DEGS2: variants seen among roughly 807,000 people sequenced by gnomAD.
DEGS2 encodes sphingolipid delta(4)-desaturase/C4-monooxygenase DES2.
DEGS2 carries 19 observed loss-of-function variants against 23.8 expected under a neutral mutation model. That is an observed-to-expected ratio of 0.80 (90% CI 0.56 to 1.17). The LOEUF is 1.17. Ranked by LOEUF, DEGS2 falls within the 50% of genes most tolerant of loss-of-function variation. The pLI is 0.00. For synonymous variants in DEGS2, 218 were observed against 213.7 expected (o/e 1.02, Z -0.18); for missense variants, 390 against 459.5 (o/e 0.85, Z 1.38).
upstream of DEGS2, among the ~76,000 whole-genome samples, chr14:100,160,653 TC>T (rs1340465188): frequency 6.6e-6 from 1 of 152,186 alleles, no homozygotes; most frequent in African/African-American, 2.4e-5. Context: ...GACTGACACA[TC>T]AGCCAGCGCT....
chr14:100,153,297 AGATAGAT>A (rs1330768479), intron 1 of DEGS2, among the ~76,000 whole-genome samples: 1 of 147,128 alleles, frequency 6.8e-6, no homozygotes. Flanking sequence ...ATAGATAGAT[AGATAGAT>A]AATAGATGTG....
chr14:100,165,849 G>T, the DEGS2 span, among the ~76,000 whole-genome samples: 1 of 146,896 alleles, frequency 6.8e-6, no homozygotes, highest in Non-Finnish European at 1.5e-5. Flanking sequence ...GCTGCCTGGG[G>T]GAATTGGGGG....
At chr14:100,149,839 C>G (rs1889535696) in intron 1 of DEGS2, 129 bp from the exon 2 acceptor site, 1 of 976,690 alleles carries the variant, frequency 1.0e-6, no homozygotes, top group African/African-American at 1.6e-5. Flanking sequence ...GTCCCTTTGC[C>G]CCTGCACACA....
At chr14:100,160,503 A>G (rs1360407635), upstream of DEGS2, among the ~76,000 whole-genome samples, 2 of 152,148 alleles carry the variant, frequency 1.3e-5, no homozygotes, top group Non-Finnish European at 2.9e-5. Context: ...AGTTTTGGGG[A>G]GGTAAGGGCA....
rs1309750127 is a variant in DEGS2 at position 100,159,580 on chromosome 14, T to A, written c.8A>T (p.Asn3Ile). Residue 3 changes from asparagine (N) to isoleucine (I), a missense_variant, in exon 1 of 3, where the codon AAC becomes ATC. Transcript: ENST00000305631. MG[N>I]SASRSDFEWV... Reference sequence around the variant, plus strand: ...CTCGAAGTCGCTGCGGCTCGCGCTGTTGCCCATGGTGGGGCGGGAGGCGCC... The same window carrying A: ...CTCGAAGTCGCTGCGGCTCGCGCTGATGCCCATGGTGGGGCGGGAGGCGCC... 1.3e-6 allele frequency: 2 copies of A among 1,493,358 alleles called. No homozygotes were observed. Among genetic ancestry groups the A allele is most frequent in the Non-Finnish European group, 1.8e-6 (2 of 1,122,932 alleles). 92.5% of individuals were successfully genotyped at this position (1,493,358 alleles called of 1,614,324 possible).
At chr14:100,166,736 T>TGGGG in the DEGS2 span, among the ~76,000 whole-genome samples, 1 of 152,096 alleles carries the variant, frequency 6.6e-6, no homozygotes. Flanking sequence ...GGACTTTATC[T>TGGGG]GATAAACACC....
Position 100,147,379 on chromosome 14 carries a change from G to T in DEGS2, c.826-472C>A, listed in dbSNP as rs554049891. 5.9e-5 allele frequency among the ~76,000 whole-genome samples: 9 copies of T among 152,288 alleles called. No individual in the cohort carries two copies. In the East Asian group the frequency reaches 1.7e-3, roughly 29 times the overall value. ...CCGCAGCGCCTGCGCAGTGCTGAGT[G>T]CCCGCCTGAGTCCTACCAGGCCACA... On this transcript the variant is annotated intron_variant, in intron 2 of 2. Coordinates refer to ENST00000305631, the MANE Select transcript of DEGS2 (RefSeq NM_206918.3).
At chr14:100,159,461 C>T in intron 1 of DEGS2, 45 bp downstream of exon 1, 1 of 1,422,268 alleles carries the variant, frequency 7.0e-7, no homozygotes, top group African/African-American at 1.5e-5. Flanking sequence ...TCCAGACGGG[C>T]CAACGGGGCG....
chr14:100,165,595 G>A, the DEGS2 span, among the ~76,000 whole-genome samples: 1 of 152,204 alleles, frequency 6.6e-6, no homozygotes, highest in Non-Finnish European at 1.5e-5. Flanking sequence ...GCGGACGGGC[G>A]GTGCCCCCGC....
intron 2 of DEGS2, 56 bp downstream of exon 2, chr14:100,148,912 C>T: frequency 4.5e-6 from 7 of 1,558,240 alleles, no homozygotes; most frequent in Non-Finnish European, 6.1e-6. Context: ...GCCCCCACCT[C>T]CTCCGATGGC....
chr14:100,147,037 G>A lies in DEGS2; in HGVS notation c.826-130C>T, dbSNP rs140087109. On this transcript the variant is annotated intron_variant, in intron 2 of 2. Coordinates refer to ENST00000305631, the MANE Select transcript of DEGS2 (RefSeq NM_206918.3). ...TTCATGTACGAACATGTTTGCGCGC[G>A]CGCACACCCACACACACACATGGGT... The A allele has an allele frequency of 1.7e-3, 1,770 of 1,067,584 alleles. 2 individuals are homozygous for A. Among genetic ancestry groups the A allele is most frequent in the Non-Finnish European group, 2.0e-3 (1,506 of 741,336 alleles). The allele number at this position is 1,067,584 out of a possible 1,614,324, so 66.1% of individuals were successfully genotyped here.
chr14:100,148,890 G>A (rs1280313503), intron 2 of DEGS2, 78 bp downstream of exon 2: 1 of 1,492,420 alleles, frequency 6.7e-7, no homozygotes, highest in Non-Finnish European at 9.0e-7. Flanking sequence ...CATGGCCCAA[G>A]GCCCTTCCAG....
upstream of DEGS2, among the ~76,000 whole-genome samples, chr14:100,164,484 A>C (rs994139862): frequency 6.6e-6 from 1 of 152,104 alleles, no homozygotes; most frequent in African/African-American, 2.4e-5. Context: ...AAAAATACAA[A>C]AAATTAGCTG....
chr14:100,150,455 C>T (rs1889551928), intron 1 of DEGS2, among the ~76,000 whole-genome samples: 1 of 144,050 alleles, frequency 6.9e-6, no homozygotes, highest in Non-Finnish European at 1.5e-5. Flanking sequence ...GAGACCAAAC[C>T]TTGGGGCAAG....
intron 1 of DEGS2, among the ~76,000 whole-genome samples, chr14:100,154,368 A>G (rs1889623427): frequency 6.6e-6 from 1 of 151,990 alleles, no homozygotes; most frequent in South Asian, 2.1e-4. Flanking sequence ...AAAAAAAAAA[A>G]AAAAGAAAGA....
Position 100,144,237 on chromosome 14 carries a change from C to T in DEGS2, c.*2524G>A, listed in dbSNP as rs112185027. Reference sequence around the variant, plus strand: ...AGTAATAAACGGTTTACTGTCCGCACCCTCGGGCTCAGGCCCTCGCATTGG... The same window carrying T: ...AGTAATAAACGGTTTACTGTCCGCATCCTCGGGCTCAGGCCCTCGCATTGG... On this transcript the variant is annotated 3_prime_UTR_variant, in exon 3 of 3. Coordinates refer to ENST00000305631, the MANE Select transcript of DEGS2 (RefSeq NM_206918.3). 173 of 156,224 alleles carry T rather than the reference C, an allele frequency of 1.1e-3. 5 individuals are homozygous for T. The South Asian group carries it at 0.031, about 28-fold the overall frequency. The allele number at this position is 156,224 out of a possible 1,614,324, so 9.7% of individuals were successfully genotyped here.
At chr14:100,156,453 A>C (rs1889660042) in intron 1 of DEGS2, among the ~76,000 whole-genome samples, 1 of 152,260 alleles carries the variant, frequency 6.6e-6, no homozygotes, top group Non-Finnish European at 1.5e-5. Context: ...CGAGTCCTGG[A>C]ATAAGCACTT....
chr14:100,150,386 C>CG (rs1889549264), intron 1 of DEGS2, among the ~76,000 whole-genome samples: 2 of 74,134 alleles, frequency 2.7e-5, no homozygotes, highest in African/African-American at 5.0e-5. Context: ...CCCACCCCAA[C>CG]ACCCCCCCCC....
rs1708641191 is a variant in DEGS2 at position 100,144,388 on chromosome 14, C to T, written c.*2373G>A. 6.6e-6 allele frequency: 1 copy of T among 151,612 alleles called. No homozygotes were observed. Among genetic ancestry groups the T allele is most frequent in the African/African-American group, 2.5e-5 (1 of 40,772 alleles). The allele number at this position is 151,612 out of a possible 1,614,324, so 9.4% of individuals were successfully genotyped here. ...CTGGGCTCAGAACATTCCCAAGCCCCGGGAAGGTGGGGTGGTGTCCTGGGG... is the reference window on the plus strand; with the variant it reads ...CTGGGCTCAGAACATTCCCAAGCCCTGGGAAGGTGGGGTGGTGTCCTGGGG... On this transcript the variant is annotated 3_prime_UTR_variant, in exon 3 of 3. Transcript: ENST00000305631.
Sources: gnomAD v4.1 joint callset for allele counts (sites outside exome capture counted in the v4.1 genomes callset) on GRCh38, gnomAD v4.1.1 for gene constraint, MANE v1.5 for transcripts, NCBI Gene and HGNC (gene_info 2026-07-23, HGNC 2026-07-21) for gene names.